The following NEO1 variants were observed in gnomAD, a reference collection of about 807,000 sequenced individuals.
The protein encoded by NEO1 is neogenin 1.
In NEO1, 63 loss-of-function variants were observed where a neutral mutation model predicts 159.7. That is an observed-to-expected ratio of 0.39 (90% confidence interval 0.32 to 0.49). The LOEUF is 0.49. Among genes scored for constraint, NEO1 ranks in the 20% least tolerant of loss-of-function variants. The probability of loss-of-function intolerance (pLI) is 0.85; values close to 1 mark genes in which losing one functional copy is unlikely to be tolerated. For missense variants in NEO1, 1,615 were observed against 1,831.0 expected (o/e 0.88, Z 2.15); for synonymous variants, 633 against 662.0 (o/e 0.96, Z 0.67).
rs867551753 is a variant in NEO1, at chr15:73,052,540, G to C, written c.-136G>C. The C allele has an allele frequency of 5.5e-6, 2 of 365,984 alleles. No individual in the cohort carries two copies. Among genetic ancestry groups the C allele is most frequent in the Middle Eastern group, 9.8e-4 (1 of 1,022 alleles). The allele number at this position is 365,984 out of a possible 1,614,324, so 22.7% of individuals were successfully genotyped here. ...GAGAGGGGCTGCGCGGGCCGGGCCGGGCCGGGCTGGGCTGGAGCAGCGGCG... is the reference window on the plus strand; with the variant it reads ...GAGAGGGGCTGCGCGGGCCGGGCCGCGCCGGGCTGGGCTGGAGCAGCGGCG... On this transcript the variant is annotated 5_prime_UTR_variant, in exon 1 of 29. Transcript: ENST00000261908.
chr15:73,060,998 A>C (rs1250540936), intron 1 of NEO1, among the ~76,000 whole-genome samples: 1 of 152,200 alleles, frequency 6.6e-6, no homozygotes, highest in South Asian at 2.1e-4. Flanking sequence ...CCATTATGCA[A>C]CCTACCTCCG....
At chr15:73,260,567 A>G in intron 15 of NEO1, 102 bp downstream of exon 15, 2 of 1,039,730 alleles carry the variant, frequency 1.9e-6, no homozygotes, top group East Asian at 2.7e-5. Flanking sequence ...CGAAAATAGT[A>G]CAAGTAATTT....
At chr15:73,199,292 G>A (rs559683936) in intron 7 of NEO1, among the ~76,000 whole-genome samples, 2 of 151,262 alleles carry the variant, frequency 1.3e-5, no homozygotes, top group South Asian at 2.1e-4. Flanking sequence ...TGCTCTCAAC[G>A]TGACTTATCA....
intron 7 of NEO1, among the ~76,000 whole-genome samples, chr15:73,215,337 G>A (rs932955777): frequency 6.6e-6 from 1 of 152,016 alleles, no homozygotes; most frequent in Non-Finnish European, 1.5e-5. Flanking sequence ...TGGTGAGAGT[G>A]GGCATTCTTG....
At chr15:73,123,972 A>G (rs927267812) in intron 3 of NEO1, among the ~76,000 whole-genome samples, 2 of 152,106 alleles carry the variant, frequency 1.3e-5, no homozygotes, top group Non-Finnish European at 2.9e-5. Flanking sequence ...ATCCCTCGTC[A>G]TTCCTGTCTC....
intron 7 of NEO1, among the ~76,000 whole-genome samples, chr15:73,217,673 T>C (rs1406154145): frequency 6.6e-6 from 1 of 152,086 alleles, no homozygotes; most frequent in East Asian, 1.9e-4. Flanking sequence ...TTCCTAAGTA[T>C]TTTATTCTCT....
chr15:73,067,452 C>CTTT (rs11330606), intron 1 of NEO1, among the ~76,000 whole-genome samples: 1 of 137,602 alleles, frequency 7.3e-6, no homozygotes. Context: ...GCTTTTCTTT[C>CTTT]TTTTTTTTTT....
At chr15:73,220,683 T>G (rs2150751622) in intron 7 of NEO1, among the ~76,000 whole-genome samples, 1 of 152,326 alleles carries the variant, frequency 6.6e-6, no homozygotes, top group South Asian at 2.1e-4. Flanking sequence ...TCATTTCATC[T>G]TCATCGCTGA....
chr15:73,141,280 G>A (rs1255599236), intron 5 of NEO1, among the ~76,000 whole-genome samples: 1 of 152,132 alleles, frequency 6.6e-6, no homozygotes, highest in African/African-American at 2.4e-5. Context: ...ATAGCTATAG[G>A]AAATGCCATA....
At chr15:73,158,861 T>C (rs942325519) in intron 5 of NEO1, among the ~76,000 whole-genome samples, 1 of 152,202 alleles carries the variant, frequency 6.6e-6, no homozygotes, top group Admixed American at 6.5e-5. Flanking sequence ...AAGAAGTGTG[T>C]AAAAATAGCA....
In NEO1 at chr15:73,131,797, C is replaced by T. The variant is rs7170714; in HGVS notation, c.879-4094C>T. Among the ~76,000 whole-genome samples, 1,316 of 152,320 alleles carry T rather than the reference C, an allele frequency of 8.6e-3. 22 individuals are homozygous for T. The highest frequency in any genetic ancestry group is 0.03 in the African/African-American group (1,239 of 41,570). ...CAAATTCTTAAAATGGTTTTCAAAG[C>T]CTTATGCAGTCTGGCTCCATCCTCA... On this transcript the variant is annotated intron_variant, in intron 4 of 28. Transcript: ENST00000261908.
At chr15:73,167,492 C>T (rs1476105794) in intron 5 of NEO1, among the ~76,000 whole-genome samples, 2 of 152,120 alleles carry the variant, frequency 1.3e-5, no homozygotes. Flanking sequence ...CCATAGGCCC[C>T]TCAAGGGGTT....
chr15:73,122,423 A>T, intron 2 of NEO1, 102 bp from the exon 3 acceptor site: 1 of 1,080,408 alleles, frequency 9.3e-7, no homozygotes, highest in Non-Finnish European at 1.3e-6. Context: ...TGGTTCTGCC[A>T]TATGTTGTAG....
chr15:73,087,495 A>C (rs906446764), intron 1 of NEO1, among the ~76,000 whole-genome samples: 24 of 152,184 alleles, frequency 1.6e-4, no homozygotes, highest in African/African-American at 5.8e-4. Context: ...TTTTAGTGTC[A>C]GAGTAATGCT....
In NEO1 at chr15:73,115,605, T is replaced by C. The variant is rs2071265586; in HGVS notation, c.131-935T>C. Among the ~76,000 whole-genome samples the C allele has an allele frequency of 2.0e-5, 3 of 152,142 alleles. No homozygotes were observed. The South Asian group carries it at 6.2e-4, about 31-fold the overall frequency. ...GAAAAACAGTCTTAGTTTCATTTGC[T>C]GGATTGGGTTTCTCTGATTTTTCAC... On this transcript the variant is annotated intron_variant, in intron 1 of 28. Transcript: ENST00000261908.
Position 73,128,251 on chromosome 15 carries a change from T to G in NEO1, c.878+1681T>G, listed in dbSNP as rs534612349. Among the ~76,000 whole-genome samples, 8 of 152,118 alleles carry G rather than the reference T, an allele frequency of 5.3e-5. 1 individual carries two copies. The highest frequency in any genetic ancestry group is 1.7e-4 in the African/African-American group (7 of 41,476). ...ATTTATAAGACTTCATTTTTTTTTT[T>G]TTTTGCCAACTGAAACATAGGGAAC... On this transcript the variant is annotated intron_variant, in intron 4 of 28. Coordinates refer to ENST00000261908, the MANE Select transcript of NEO1 (RefSeq NM_002499.4).
intron 1 of NEO1, among the ~76,000 whole-genome samples, chr15:73,078,823 G>A (rs2068902156): frequency 6.6e-6 from 1 of 152,180 alleles, no homozygotes; most frequent in South Asian, 2.1e-4. Flanking sequence ...TTTCTCATGT[G>A]TAAAGCACTG....
chr15:73,222,908 C>T (rs780205829), intron 7 of NEO1, among the ~76,000 whole-genome samples: 106 of 152,046 alleles, frequency 7.0e-4, no homozygotes, highest in Non-Finnish European at 2.1e-4. Flanking sequence ...CTGATGTAGG[C>T]GTTTAGGGCT....
At chr15:73,230,074 C>A (rs1678248) in intron 7 of NEO1, among the ~76,000 whole-genome samples, 148,810 of 152,266 alleles carry the variant, frequency 0.98, 72,797 homozygotes, top group East Asian at 1. Context: ...TGAGTTGGGA[C>A]ATGTTTCTCC....
Sources: gnomAD v4.1 joint callset for allele counts (sites outside exome capture counted in the v4.1 genomes callset) on GRCh38, gnomAD v4.1.1 for gene constraint, MANE v1.5 for transcripts, NCBI Gene and HGNC (gene_info 2026-07-23, HGNC 2026-07-21) for gene names.